The following STRADA variants were observed in gnomAD, a reference collection of about 807,000 sequenced individuals.
STRADA encodes the protein STE20 related adaptor alpha, also known as STE20-related kinase adapter protein alpha.
STRADA carries 26 observed loss-of-function variants against 55.0 expected under a neutral mutation model. That is an observed-to-expected ratio of 0.47 (90% confidence interval 0.35 to 0.66). The LOEUF (loss-of-function observed/expected upper bound fraction) is 0.66. Ranked by LOEUF, STRADA falls within the 30% of genes least tolerant of loss-of-function variation. The probability of loss-of-function intolerance (pLI) is 0.01; values close to 1 mark genes in which losing one functional copy is unlikely to be tolerated. For missense variants in STRADA, 443 were observed against 549.7 expected (o/e 0.81, Z 1.94); for synonymous variants, 197 against 210.9 (o/e 0.93, Z 0.57).
intron 10 of STRADA, 173 bp from the exon 11 acceptor site, chr17:63,704,755 T>A: frequency 6.5e-7 from 1 of 1,529,450 alleles, no homozygotes; most frequent in South Asian, 1.2e-5. Flanking sequence ...GAAACGCTGG[T>A]CACTGGCGTG....
At position 63,704,527 on chromosome 17, in the gene STRADA, A is replaced by G; in HGVS notation, c.914T>C (p.Ile305Thr). Reference sequence around the variant, plus strand: ...GCTCATGGTCAGCTCCTCAGCGGGGATGGTGCTGGTATCCAACAGGCAGGG... The same window carrying G: ...GCTCATGGTCAGCTCCTCAGCGGGGGTGGTGCTGGTATCCAACAGGCAGGG... ...TVPCLLDTSTIPAEELTMSPS... is the reference protein window; with the variant it reads ...TVPCLLDTSTTPAEELTMSPS... The change falls in exon 11 of 13, where the codon ATC becomes ACC. Residue 305 changes from isoleucine (I) to threonine (T), a missense_variant. Transcript: ENST00000336174. 1 of 1,560,876 alleles carries G rather than the reference A, an allele frequency of 6.4e-7. No individual in the cohort carries two copies. Among genetic ancestry groups the G allele is most frequent in the Non-Finnish European group, 8.7e-7 (1 of 1,151,738 alleles).
intron 10 of STRADA, chr17:63,705,979 T>C (rs1015445273): frequency 2.0e-5 from 3 of 152,354 alleles, no homozygotes; most frequent in African/African-American, 4.8e-5. Flanking sequence ...AGTGGCTTAA[T>C]TAGAGCCTGC....
intron 1 of STRADA, among the ~76,000 whole-genome samples, chr17:63,738,834 A>AAATAATAAT (rs372982779): frequency 0.026 from 3,818 of 146,226 alleles, 103 homozygotes; most frequent in African/African-American, 0.074. Context: ...CTCCATCTCA[A>AAATAATAAT]AATAATAATA....
At chr17:63,728,973 C>T (rs1670370950) in intron 1 of STRADA, among the ~76,000 whole-genome samples, 2 of 151,538 alleles carry the variant, frequency 1.3e-5, no homozygotes, top group African/African-American at 4.8e-5. Context: ...TCCTAAATTT[C>T]TCTTGACTTA....
At chr17:63,729,379 C>T (rs139796507) in intron 1 of STRADA, among the ~76,000 whole-genome samples, 5 of 152,286 alleles carry the variant, frequency 3.3e-5, no homozygotes, top group African/African-American at 1.2e-4. Flanking sequence ...TCCACTGTAT[C>T]TCCTGCTCTC....
At chr17:63,709,018 C>A (rs560389777) in intron 8 of STRADA, among the ~76,000 whole-genome samples, 2 of 152,050 alleles carry the variant, frequency 1.3e-5, no homozygotes, top group Non-Finnish European at 2.9e-5. Context: ...CTAATTGTCA[C>A]CTTGGTTCTG....
chr17:63,707,697 TTACAGGTG>T (rs2036197514), intron 8 of STRADA, among the ~76,000 whole-genome samples: 1 of 151,886 alleles, frequency 6.6e-6, no homozygotes, highest in Admixed American at 6.6e-5. Context: ...GTAGCTGGGA[TTACAGGTG>T]TGCACCACCA....
At chr17:63,726,602 TC>T in intron 3 of STRADA, 35 bp downstream of exon 3, 1 of 1,603,376 alleles carries the variant, frequency 6.2e-7, no homozygotes, top group Non-Finnish European at 8.5e-7. Context: ...GATTTTTATA[TC>T]CTGAAGTGAT....
chr17:63,710,095 T>TG (rs1409702495), intron 8 of STRADA, among the ~76,000 whole-genome samples: 5 of 149,448 alleles, frequency 3.3e-5, no homozygotes, highest in Non-Finnish European at 7.4e-5. Context: ...AGTGCAGTGG[T>TG]GTGATCTCCA....
Position 63,703,517 on chromosome 17 carries a change from C to A in STRADA, c.*82G>T, listed in dbSNP as rs1050270578. On this transcript the variant is annotated 3_prime_UTR_variant, in exon 13 of 13. Transcript: ENST00000336174. ...TTTCTACCCAATCTGCCCAGGAGGG[C>A]GGGAATGTGGCCGGCCCTCAGGAAG... 2 of 1,344,698 alleles carry A rather than the reference C, an allele frequency of 1.5e-6. No homozygotes were observed. The highest frequency in any genetic ancestry group is 1.5e-5 in the African/African-American group (1 of 68,116). 83.3% of individuals were successfully genotyped at this position (1,344,698 alleles called of 1,614,324 possible). A position where few individuals can be genotyped will look rare whatever the true frequency, so the allele number is the denominator to read the frequency against.
chr17:63,732,923 T>C (rs1465303158), intron 1 of STRADA, among the ~76,000 whole-genome samples: 1 of 152,160 alleles, frequency 6.6e-6, no homozygotes, highest in Non-Finnish European at 1.5e-5. Flanking sequence ...AGTCTCGTGC[T>C]GTTGCCCAGG....
chr17:63,738,834 AAATAAT>A (rs372982779), intron 1 of STRADA, among the ~76,000 whole-genome samples: 3 of 146,282 alleles, frequency 2.1e-5, no homozygotes, highest in South Asian at 2.2e-4. Context: ...CTCCATCTCA[AAATAAT>A]AATAATAATA....
intron 4 of STRADA, among the ~76,000 whole-genome samples, chr17:63,720,531 T>C (rs1407188014): frequency 6.6e-6 from 1 of 151,402 alleles, no homozygotes; most frequent in Non-Finnish European, 1.5e-5. Flanking sequence ...TCCCAGCACT[T>C]TGGAAGGCCG....
At chr17:63,706,783 T>C in intron 9 of STRADA, 44 bp from the exon 10 acceptor site, 2 of 1,502,498 alleles carry the variant, frequency 1.3e-6, no homozygotes, top group Non-Finnish European at 1.8e-6. Context: ...ATTTGGTCTT[T>C]GTTCTTAGAA....
chr17:63,738,132 G>A (rs755329782), intron 1 of STRADA, among the ~76,000 whole-genome samples: 3 of 151,762 alleles, frequency 2.0e-5, no homozygotes, highest in Admixed American at 6.6e-5. Context: ...CACAAGGTCA[G>A]GAGTTCGAGA....
chr17:63,704,791 G>A lies in STRADA; in HGVS notation c.859-209C>T, dbSNP rs1037270125. 24 of 1,534,518 alleles carry A rather than the reference G, an allele frequency of 1.6e-5. 1 individual carries two copies. In the African/African-American group the frequency reaches 2.1e-4, roughly 13 times the overall value. Reference sequence around the variant, plus strand: ...GCAGCTCCGCCCTAGCCAGGCCAACGTGAAAGGAGAGGGGTTGCACAAAAG... The same window carrying A: ...GCAGCTCCGCCCTAGCCAGGCCAACATGAAAGGAGAGGGGTTGCACAAAAG... On this transcript the variant is annotated intron_variant, in intron 10 of 12. Coordinates refer to ENST00000336174, the MANE Select transcript of STRADA (RefSeq NM_001003787.4).
chr17:63,722,535 A>G (rs2037384856), intron 4 of STRADA, among the ~76,000 whole-genome samples: 1 of 152,246 alleles, frequency 6.6e-6, no homozygotes, highest in South Asian at 2.1e-4. Flanking sequence ...AGCAGATGAC[A>G]TAAGCACAGC....
chr17:63,738,916 C>G (rs932041720), intron 1 of STRADA, among the ~76,000 whole-genome samples: 3 of 151,710 alleles, frequency 2.0e-5, no homozygotes, highest in African/African-American at 7.3e-5. Context: ...CTTTGGGAGG[C>G]AGAGGCGGGC....
Position 63,728,357 on chromosome 17 carries a change from C to T in STRADA, c.13G>A (p.Val5Ile). 6.2e-7 allele frequency: 1 copy of T among 1,613,238 alleles called. No individual in the cohort carries two copies. The highest frequency in any genetic ancestry group is 8.5e-7 in the Non-Finnish European group (1 of 1,179,726). MSFL[V>I]SKPERIRRWV... ...ACCCTGATTCGCTCTGGTTTACTTACAAGAAATGACATGAGTTCCTACTGT... is the reference window on the plus strand; with the variant it reads ...ACCCTGATTCGCTCTGGTTTACTTATAAGAAATGACATGAGTTCCTACTGT... The change falls in exon 2 of 13, where the codon GTA (valine) becomes ATA (isoleucine). Residue 5 changes from valine to isoleucine, a missense_variant. Val to Ile is a conservative substitution (Grantham distance 29). Coordinates refer to ENST00000336174, the MANE Select transcript of STRADA (RefSeq NM_001003787.4).
Sources: gnomAD v4.1 joint callset for allele counts (sites outside exome capture counted in the v4.1 genomes callset) on GRCh38, gnomAD v4.1.1 for gene constraint, MANE v1.5 for transcripts, NCBI Gene and HGNC (gene_info 2026-07-23, HGNC 2026-07-21) for gene names.